UNC79: variants seen among roughly 807,000 people sequenced by gnomAD.
UNC79 encodes protein unc-79 homolog.
In UNC79, 37 loss-of-function variants were observed where a neutral mutation model predicts 283.1. That is an observed-to-expected ratio of 0.13 (90% CI 0.10 to 0.17). The LOEUF is 0.17. Ranked by LOEUF, UNC79 falls within the 10% of genes least tolerant of loss-of-function variation. UNC79 has a pLI of 1.00. For missense variants in UNC79, 2,272 were observed against 3,211.1 expected (o/e 0.71, Z 7.07); for synonymous variants, 1,107 against 1,200.2 (o/e 0.92, Z 1.61).
chr14:93,485,882 T>C (rs1435187030), intron 4 of UNC79, among the ~76,000 whole-genome samples: 1 of 152,224 alleles, frequency 6.6e-6, no homozygotes, highest in African/African-American at 2.4e-5. Flanking sequence ...AAGGCCACTG[T>C]CTACTTTGGT....
intron 35 of UNC79, among the ~76,000 whole-genome samples, chr14:93,651,469 G>A (rs144134469): frequency 6.6e-6 from 1 of 152,092 alleles, no homozygotes; most frequent in African/African-American, 2.4e-5. Context: ...TTAGTTTTCA[G>A]TGTAGAGGTC....
Position 93,404,486 on chromosome 14 carries a change from T to TAAAAAA in UNC79, c.-350-63182_-350-63177dup, listed in dbSNP as rs34406486. 3.8e-3 allele frequency among the ~76,000 whole-genome samples: 203 copies of TAAAAAA among 52,926 alleles called. 9 individuals carry two copies. Among genetic ancestry groups the TAAAAAA allele is most frequent in the African/African-American group, 0.012 (144 of 12,520 alleles). The allele number at this position is 52,926 out of a possible 152,430, so 34.7% of individuals were successfully genotyped here. On this transcript the variant is annotated intron_variant, in intron 1 of 49. Coordinates refer to the UNC79 transcript ENST00000256339. ...GGCTGAATGACAGAGTGAGACCTTCTAAAAAAAATATATATATATATATAT... is the reference window on the plus strand; with the variant it reads ...GGCTGAATGACAGAGTGAGACCTTCTAAAAAAAAAAAAAATATATATATATATATAT...
At chr14:93,664,627 A>G (rs1253904997) in intron 40 of UNC79, among the ~76,000 whole-genome samples, 1 of 152,196 alleles carries the variant, frequency 6.6e-6, no homozygotes. Context: ...GAGGTGACAA[A>G]GAATGGTATC....
Position 93,474,444 on chromosome 14 carries a change from T to C in UNC79, c.448+51T>C, listed in dbSNP as rs2057686733. The C allele has an allele frequency of 6.7e-7, 1 of 1,500,008 alleles. No individual in the cohort carries two copies. The highest frequency in any genetic ancestry group is 8.9e-7 in the Non-Finnish European group (1 of 1,125,564). 92.9% of individuals were successfully genotyped at this position (1,500,008 alleles called of 1,614,324 possible). ...AAATGTACGTGGATGCTTATGAATG[T>C]ATATGATGCTGAGCAAGGGGCTTGG... On this transcript the variant is annotated intron_variant, in intron 3 of 48. Coordinates refer to ENST00000555664, the Ensembl canonical transcript of UNC79. The surrounding 1 kb of genome is among the most constrained non-coding windows in gnomAD (Gnocchi z 4.1).
At chr14:93,535,201 G>A (rs554741900) in intron 11 of UNC79, among the ~76,000 whole-genome samples, 1 of 152,332 alleles carries the variant, frequency 6.6e-6, no homozygotes, top group Admixed American at 6.5e-5. Context: ...TCTAAGGGAA[G>A]CCTCTCTAGT....
At chr14:93,619,462 G>A (rs1430783078) in intron 29 of UNC79, among the ~76,000 whole-genome samples, 2 of 152,038 alleles carry the variant, frequency 1.3e-5, no homozygotes, top group African/African-American at 2.4e-5. Context: ...ACTATTGGTT[G>A]GAAAAACTGC....
At chr14:93,395,364 T>C (rs569211312) in intron 1 of UNC79, among the ~76,000 whole-genome samples, 10 of 152,332 alleles carry the variant, frequency 6.6e-5, no homozygotes, top group African/African-American at 2.4e-4. Context: ...TTCCATAAGC[T>C]GTACAGGAAG....
chr14:93,682,657 C>T, exon 42 of UNC79: 1 of 1,613,962 alleles, frequency 6.2e-7, no homozygotes, highest in East Asian at 2.2e-5. Context: ...GCTGAGTCAA[C>T]AATCCTGAGC....
chr14:93,542,683 T>C (rs958353438), exon 14 of UNC79: 3 of 1,614,202 alleles, frequency 1.9e-6, no homozygotes, highest in Non-Finnish European at 2.5e-6. Context: ...CCTAAACCCA[T>C]GGAATTTGCC....
At chr14:93,388,438 C>T (rs976179009) in intron 1 of UNC79, among the ~76,000 whole-genome samples, 1 of 152,132 alleles carries the variant, frequency 6.6e-6, no homozygotes, top group African/African-American at 2.4e-5. Context: ...ATGTTTTTGG[C>T]ACTGGTGCTT....
intron 1 of UNC79, among the ~76,000 whole-genome samples, chr14:93,353,612 T>C (rs959001013): frequency 6.6e-6 from 1 of 152,246 alleles, no homozygotes; most frequent in Non-Finnish European, 1.5e-5. Context: ...GAAATCCAGA[T>C]AATTTTGTGT....
rs745986676 is a variant in UNC79, at chr14:93,366,671, C to T, written c.-351+33148C>T. 7.3e-5 allele frequency among the ~76,000 whole-genome samples: 11 copies of T among 151,088 alleles called. No homozygotes were observed. The South Asian group carries it at 8.3e-4, about 11-fold the overall frequency. ...GACTGCAACCTCTGCCTCCGGGGTTCGAGCGATTCTTGTGCCTCAGCCTCC... is the reference window on the plus strand; with the variant it reads ...GACTGCAACCTCTGCCTCCGGGGTTTGAGCGATTCTTGTGCCTCAGCCTCC... On this transcript the variant is annotated intron_variant, in intron 1 of 49. Coordinates refer to the UNC79 transcript ENST00000256339.
chr14:93,387,194 C>G lies in UNC79; in HGVS notation c.-351+53671C>G, dbSNP rs902294284. 2.0e-5 allele frequency among the ~76,000 whole-genome samples: 3 copies of G among 152,044 alleles called. No individual in the cohort carries two copies. The South Asian group carries it at 6.2e-4, about 32-fold the overall frequency. ...CTGACCTCAGGTGATCCACCCGCCTCGGCCTCCCAAAGTGCTGGGATTTTA... is the reference window on the plus strand; with the variant it reads ...CTGACCTCAGGTGATCCACCCGCCTGGGCCTCCCAAAGTGCTGGGATTTTA... On this transcript the variant is annotated intron_variant, in intron 1 of 49. Transcript: ENST00000256339.
intron 1 of UNC79, among the ~76,000 whole-genome samples, chr14:93,365,869 A>G (rs535033232): frequency 6.6e-6 from 1 of 152,336 alleles, no homozygotes; most frequent in African/African-American, 2.4e-5. Context: ...GCTGGAAATG[A>G]TAAAAGGCCT....
chr14:93,543,866 G>A (rs1295602659), intron 14 of UNC79, among the ~76,000 whole-genome samples: 2 of 152,192 alleles, frequency 1.3e-5, no homozygotes, highest in East Asian at 3.8e-4. Context: ...GACATTTAAG[G>A]ATAAAACAGC....
downstream of UNC79, chr14:93,707,833 A>G (rs1231702770): frequency 6.6e-6 from 1 of 152,156 alleles, no homozygotes; most frequent in Admixed American, 6.5e-5. Flanking sequence ...CTTACTACAC[A>G]TTTAAACTGT....
chr14:93,487,833 T>A (rs2140469730), intron 5 of UNC79, 78 bp downstream of exon 5: 1 of 1,379,710 alleles, frequency 7.2e-7, no homozygotes, highest in South Asian at 1.3e-5. Context: ...GGCTAGATGT[T>A]CTCATGTGAG....
intron 1 of UNC79, chr14:93,464,423 TCTC>T (rs1175001674): frequency 9.4e-6 from 4 of 425,286 alleles, no homozygotes; most frequent in African/African-American, 4.1e-5. Flanking sequence ...TGTGTCCTAA[TCTC>T]CTCTTAAAAG....
At chr14:93,538,310 C>T (rs1468386758) in intron 12 of UNC79, 92 bp downstream of exon 12, 2 of 1,278,882 alleles carry the variant, frequency 1.6e-6, no homozygotes, top group South Asian at 1.6e-5. Flanking sequence ...TTAATGCAAC[C>T]TCAAATGCCC....
Sources: gnomAD v4.1 joint callset for allele counts (sites outside exome capture counted in the v4.1 genomes callset) on GRCh38, gnomAD v4.1.1 for gene constraint, Gnocchi (gnomAD v3.1) non-coding constraint, MANE v1.5 for transcripts, NCBI Gene and HGNC (gene_info 2026-07-23, HGNC 2026-07-21) for gene names.